Variants in ERI3 observed in about 807,000 individuals in gnomAD.
ERI3 encodes ERI1 exoribonuclease family member 3.
ERI3 carries 18 observed loss-of-function variants against 44.4 expected under a neutral mutation model. The ratio of observed to expected loss-of-function variants is 0.41; its 90% CI spans 0.28 to 0.60. The LOEUF is 0.60. ERI3 is among the 20% of genes least tolerant of loss of function. The probability of loss-of-function intolerance (pLI) is 0.36; values close to 1 mark genes in which losing one functional copy is unlikely to be tolerated. For synonymous variants in ERI3, 183 were observed against 164.8 expected (o/e 1.11, Z -0.84); for missense variants, 294 against 435.5 (o/e 0.68, Z 2.89).
rs1006703180 is a variant in ERI3, at chr1:44,334,774, T to C, written c.489+4271A>G. 2.0e-5 allele frequency among the ~76,000 whole-genome samples: 3 copies of C among 152,096 alleles called. No homozygotes were observed. In the East Asian group the frequency reaches 5.8e-4, roughly 29 times the overall value. ...CAAAACTGATGACAAATGGAAAATA[T>C]CATGTTTTACCATGTTTATAACCAA... On this transcript the variant is annotated intron_variant, in intron 3 of 8. Coordinates refer to ENST00000372257, the MANE Select transcript of ERI3 (RefSeq NM_024066.3).
intron 7 of ERI3, among the ~76,000 whole-genome samples, chr1:44,250,378 C>T (rs1360891925): frequency 1.3e-5 from 2 of 152,156 alleles, no homozygotes; most frequent in Non-Finnish European, 2.9e-5. Flanking sequence ...TAGATGCTTG[C>T]CCCACCGCGT....
At chr1:44,313,822 G>A (rs1225532909) in intron 4 of ERI3, among the ~76,000 whole-genome samples, 1 of 152,118 alleles carries the variant, frequency 6.6e-6, no homozygotes, top group African/African-American at 2.4e-5. Flanking sequence ...AACTAGCCAA[G>A]CAAGAGACAG....
chr1:44,314,227 T>C (rs1240719135), intron 4 of ERI3, among the ~76,000 whole-genome samples: 5 of 152,008 alleles, frequency 3.3e-5, no homozygotes, highest in South Asian at 2.1e-4. Flanking sequence ...CTCACAGAAA[T>C]TGCTGGCTCT....
intron 6 of ERI3, among the ~76,000 whole-genome samples, chr1:44,302,129 G>A (rs372148593): frequency 2.0e-5 from 3 of 152,326 alleles, no homozygotes; most frequent in African/African-American, 7.2e-5. Context: ...GCCAGGCAAT[G>A]CCTATCATCT....
At chr1:44,314,157 G>GT (rs987536946) in intron 4 of ERI3, among the ~76,000 whole-genome samples, 1 of 151,442 alleles carries the variant, frequency 6.6e-6, no homozygotes, top group Non-Finnish European at 1.5e-5. Context: ...GTGTGTTGGG[G>GT]GGGGGGAGAT....
At chr1:44,333,028 A>G (rs1367408770) in intron 3 of ERI3, among the ~76,000 whole-genome samples, 4 of 152,222 alleles carry the variant, frequency 2.6e-5, no homozygotes, top group Non-Finnish European at 5.9e-5. Context: ...TGGGCAGGGG[A>G]AAAATTATTC....
chr1:44,335,186 A>T (rs1646507268), intron 3 of ERI3, among the ~76,000 whole-genome samples: 1 of 152,006 alleles, frequency 6.6e-6, no homozygotes, highest in African/African-American at 2.4e-5. Flanking sequence ...TAAAAAATAA[A>T]CAGAAAATTA....
intron 3 of ERI3, among the ~76,000 whole-genome samples, chr1:44,321,372 AG>A (rs1305926064): frequency 2.0e-5 from 3 of 152,188 alleles, no homozygotes; most frequent in African/African-American, 4.8e-5. Context: ...AGGGGAGAGA[AG>A]GGAGGCCCAG....
intron 2 of ERI3, among the ~76,000 whole-genome samples, chr1:44,349,453 G>A (rs1469070743): frequency 7.9e-5 from 12 of 152,108 alleles, no homozygotes; most frequent in Admixed American, 7.2e-4. Flanking sequence ...GAGCCACCAC[G>A]CCTGGCCAGT....
chr1:44,313,466 C>T (rs562429941), intron 4 of ERI3, among the ~76,000 whole-genome samples: 1 of 152,306 alleles, frequency 6.6e-6, no homozygotes, highest in East Asian at 1.9e-4. Flanking sequence ...CACATGCTGA[C>T]CACAAGGCGT....
At chr1:44,275,568 G>A (rs942257623) in intron 7 of ERI3, among the ~76,000 whole-genome samples, 3 of 152,186 alleles carry the variant, frequency 2.0e-5, no homozygotes, top group Non-Finnish European at 2.9e-5. Flanking sequence ...ACCCTCCCAG[G>A]GGAGAGGGAG....
rs112121498 is a variant in ERI3, at chr1:44,246,747, T to C, written c.931+1192A>G. Among the ~76,000 whole-genome samples, 627 of 152,336 alleles carry C rather than the reference T, an allele frequency of 4.1e-3. 4 individuals carry two copies. Among genetic ancestry groups the C allele is most frequent in the African/African-American group, 0.014 (596 of 41,576 alleles). On this transcript the variant is annotated intron_variant, in intron 8 of 8. Coordinates refer to ENST00000372257, the MANE Select transcript of ERI3 (RefSeq NM_024066.3). ...AGCACCTATTTCAGTCCCTGTCTCT[T>C]CCCAGGATGTGAGCTCACTGAGAAC...
At chr1:44,292,962 C>A (rs1448530714) in intron 6 of ERI3, among the ~76,000 whole-genome samples, 2 of 152,166 alleles carry the variant, frequency 1.3e-5, no homozygotes, top group African/African-American at 4.8e-5. Context: ...TATCAGTGTG[C>A]GTGAAGCAGG....
intron 6 of ERI3, among the ~76,000 whole-genome samples, chr1:44,291,638 A>G (rs1459972488): frequency 1.3e-5 from 2 of 152,234 alleles, no homozygotes; most frequent in Non-Finnish European, 2.9e-5. Context: ...AATACACTTC[A>G]GCCTACACAG....
intron 8 of ERI3, among the ~76,000 whole-genome samples, chr1:44,229,651 G>A (rs186704218): frequency 7.8e-4 from 119 of 152,276 alleles, no homozygotes; most frequent in African/African-American, 2.5e-3. Context: ...ATGCAGCCCC[G>A]GCACTCCCTC....
intron 6 of ERI3, among the ~76,000 whole-genome samples, chr1:44,305,653 T>C (rs1414376641): frequency 1.3e-5 from 2 of 152,192 alleles, no homozygotes; most frequent in Non-Finnish European, 2.9e-5. Flanking sequence ...GCAGATTTCT[T>C]TTCTCCAGTG....
intron 3 of ERI3, among the ~76,000 whole-genome samples, chr1:44,328,297 CA>C (rs1646357310): frequency 6.9e-6 from 1 of 145,332 alleles, no homozygotes; most frequent in Admixed American, 7.4e-5. Context: ...CGTAAGCAGG[CA>C]GGAATCACTC....
At chr1:44,305,054 C>T (rs1645804969) in intron 6 of ERI3, among the ~76,000 whole-genome samples, 1 of 152,186 alleles carries the variant, frequency 6.6e-6, no homozygotes, top group Non-Finnish European at 1.5e-5. Flanking sequence ...CTACCCTCTC[C>T]AAAGGGGCCT....
intron 3 of ERI3, among the ~76,000 whole-genome samples, chr1:44,321,563 AATCAGGT>A (rs1421050419): frequency 6.6e-6 from 1 of 152,180 alleles, no homozygotes; most frequent in Admixed American, 6.5e-5. Flanking sequence ...CCCCCTGCAA[AATCAGGT>A]ATCCAGGATT....
Sources: gnomAD v4.1 joint callset for allele counts (sites outside exome capture counted in the v4.1 genomes callset) on GRCh38, gnomAD v4.1.1 for gene constraint, MANE v1.5 for transcripts, NCBI Gene and HGNC (gene_info 2026-07-23, HGNC 2026-07-21) for gene names.